Variants in TMEM74 observed in about 807,000 individuals in gnomAD.
The protein encoded by TMEM74 is transmembrane protein 74.
A neutral mutation model predicts 18.1 loss-of-function variants in TMEM74; 13 were observed. The ratio of observed to expected loss-of-function variants is 0.72; its 90% CI spans 0.47 to 1.14. TMEM74 has a LOEUF of 1.14. Among genes scored for constraint, TMEM74 ranks in the 50% most tolerant of loss-of-function variants. The pLI, the probability that TMEM74 is intolerant of heterozygous loss-of-function variation, is 0.00. For missense variants in TMEM74, 372 were observed against 375.9 expected (o/e 0.99, Z 0.09); for synonymous variants, 159 against 146.6 (o/e 1.08, Z -0.61).
chr8:108,784,877 A>G lies in TMEM74; in HGVS notation c.222T>C (p.Ser74=), dbSNP rs780118224. 11 of 1,613,988 alleles carry G rather than the reference A, an allele frequency of 6.8e-6. No homozygotes were observed. The South Asian group carries it at 9.9e-5, about 14-fold the overall frequency. Residue 74 remains serine (S), a synonymous_variant, in exon 2 of 2, where the codon AGT becomes AGC. Transcript: ENST00000297459. The part of the protein sequence containing the change: ...PASPSSSLQN[S]TLQPDAFPPG... The stretch of plus-strand genomic sequence containing the variant: ...GTGGAAAGGCATCTGGCTGAAGAGT[A>G]CTGTTTTGCAGAGAGGAGGAGGGGG...
At chr8:108,728,830 T>A (rs1049349453) in intron 1 of TMEM74, among the ~76,000 whole-genome samples, 10 of 152,336 alleles carry the variant, frequency 6.6e-5, no homozygotes, top group Middle Eastern at 3.4e-3. Flanking sequence ...ACTTGTTGAA[T>A]GAATAAATGC....
chr8:108,714,796 C>A (rs1271000416), intron 1 of TMEM74, among the ~76,000 whole-genome samples: 1 of 152,144 alleles, frequency 6.6e-6, no homozygotes, highest in Non-Finnish European at 1.5e-5. Context: ...CAATAATAAA[C>A]TGGATAAAGA....
chr8:108,690,586 C>T (rs1422967954), intron 1 of TMEM74, among the ~76,000 whole-genome samples: 6 of 151,696 alleles, frequency 4.0e-5, no homozygotes, highest in African/African-American at 1.2e-4. Context: ...GAGGCCGAGG[C>T]GGGCAGATCA....
rs766649337 is a variant in TMEM74, at chr8:108,784,500, C to T, written c.599G>A (p.Arg200Gln). The change falls in exon 2 of 2, where the codon CGG (arginine) becomes CAG (glutamine). Residue 200 changes from arginine (R) to glutamine (Q), a missense_variant. Coordinates refer to ENST00000297459, the MANE Select transcript of TMEM74 (RefSeq NM_153015.3). Reference protein sequence around the residue: ...LLVIISYIVPREVTVDPNTVA... With the variant: ...LLVIISYIVPQEVTVDPNTVA... ...AGTGTTGGGGTCCACAGTCACTTCCCGTGGGACGATGTAAGAGATGATCAC... is the reference window on the plus strand; with the variant it reads ...AGTGTTGGGGTCCACAGTCACTTCCTGTGGGACGATGTAAGAGATGATCAC... The T allele has an allele frequency of 6.8e-6, 11 of 1,613,998 alleles. No individual in the cohort carries two copies. Among genetic ancestry groups the T allele is most frequent in the South Asian group, 1.1e-5 (1 of 91,082 alleles).
downstream of TMEM74, among the ~76,000 whole-genome samples, chr8:108,776,931 G>A (rs976344367): frequency 1.6e-4 from 25 of 152,042 alleles, no homozygotes; most frequent in African/African-American, 5.8e-4. Context: ...TTCATCAGCC[G>A]ATAATCAACA....
Position 108,762,688 on chromosome 8 carries a change from G to T in TMEM74, n.119+24788C>A, listed in dbSNP as rs553270329. The stretch of plus-strand genomic sequence containing the variant: ...CCTTTCTTGTACCTATCATTAATTC[G>T]AATGGTACTCTTATGTAATTATTTG... On this transcript the variant is annotated intron_variant and non_coding_transcript_variant, in intron 1 of 3. Transcript: ENST00000518838. Among the ~76,000 whole-genome samples the T allele has an allele frequency of 3.3e-5, 5 of 151,850 alleles. No homozygotes were observed. The South Asian group carries it at 8.3e-4, about 25-fold the overall frequency.
At chr8:108,633,922 G>A (rs2130555154) in intron 2 of TMEM74, among the ~76,000 whole-genome samples, 1 of 152,022 alleles carries the variant, frequency 6.6e-6, no homozygotes, top group African/African-American at 2.4e-5. Flanking sequence ...GCAAATGTTT[G>A]GTATTTTATT....
intron 1 of TMEM74, among the ~76,000 whole-genome samples, chr8:108,679,107 A>G (rs376492914): frequency 1.3e-5 from 2 of 152,168 alleles, no homozygotes; most frequent in South Asian, 2.1e-4. Context: ...ATAGTATTCC[A>G]TGGTGTATAT....
At chr8:108,614,035 GTT>G (rs11393201) in intron 2 of TMEM74, among the ~76,000 whole-genome samples, 101 of 137,094 alleles carry the variant, frequency 7.4e-4, no homozygotes, top group African/African-American at 9.6e-4. Flanking sequence ...TTTTCATAAG[GTT>G]TTTTTTTTTT....
At chr8:108,629,001 G>A (rs188456111) in intron 2 of TMEM74, among the ~76,000 whole-genome samples, 7 of 151,866 alleles carry the variant, frequency 4.6e-5, no homozygotes, top group South Asian at 2.1e-4. Flanking sequence ...TTTCTTGTAA[G>A]TTTGTTTAAG....
At chr8:108,610,083 T>C (rs1307113853) in intron 2 of TMEM74, among the ~76,000 whole-genome samples, 1 of 152,304 alleles carries the variant, frequency 6.6e-6, no homozygotes, top group East Asian at 1.9e-4. Context: ...AAATGTCCCA[T>C]CCCCTACCCA....
intron 1 of TMEM74, among the ~76,000 whole-genome samples, chr8:108,727,460 G>T (rs1047198601): frequency 5.9e-5 from 9 of 152,174 alleles, no homozygotes; most frequent in African/African-American, 2.2e-4. Context: ...GATGGAAGGA[G>T]AAGTGTACAG....
In TMEM74 at chr8:108,718,086, G is replaced by C. The variant is rs1813546591; in HGVS notation, n.120-62649C>G. Among the ~76,000 whole-genome samples, 5 of 107,048 alleles carry C rather than the reference G, an allele frequency of 4.7e-5. 1 individual carries two copies. 70.2% of individuals were successfully genotyped at this position (107,048 alleles called of 152,430 possible). On this transcript the variant is annotated intron_variant and non_coding_transcript_variant, in intron 1 of 3. Transcript: ENST00000518838. The stretch of plus-strand genomic sequence containing the variant: ...CCATTCTCCCGCCTCAGCCTCCCGA[G>C]TAGCTGGGACTACAGGCGCCCGCCA...
At chr8:108,756,695 A>G (rs58892196) in intron 1 of TMEM74, among the ~76,000 whole-genome samples, 10,612 of 83,828 alleles carry the variant, frequency 0.13, 999 homozygotes, top group Non-Finnish European at 0.15. Context: ...AAAGAAAGAA[A>G]GAAGGAAGGA....
intron 2 of TMEM74, among the ~76,000 whole-genome samples, chr8:108,648,617 G>T (rs1247755065): frequency 6.6e-6 from 1 of 152,064 alleles, no homozygotes; most frequent in East Asian, 1.9e-4. Flanking sequence ...GAGAAGATGG[G>T]GTAATGGAAG....
chr8:108,746,343 C>T (rs1813848079), intron 1 of TMEM74, among the ~76,000 whole-genome samples: 2 of 151,882 alleles, frequency 1.3e-5, no homozygotes, highest in African/African-American at 4.8e-5. Flanking sequence ...CTTGGTTTTC[C>T]CTAGGCAATG....
intron 1 of TMEM74, among the ~76,000 whole-genome samples, chr8:108,660,759 G>T (rs1036414037): frequency 6.6e-6 from 1 of 152,000 alleles, no homozygotes; most frequent in African/African-American, 2.4e-5. Flanking sequence ...ACAGTTAGCC[G>T]TAATATCCCC....
At chr8:108,717,008 C>T (rs1042055681) in intron 1 of TMEM74, among the ~76,000 whole-genome samples, 12 of 151,512 alleles carry the variant, frequency 7.9e-5, no homozygotes, top group African/African-American at 2.9e-4. Context: ...GAACTATAAG[C>T]CAAAAATCAT....
intron 2 of TMEM74, among the ~76,000 whole-genome samples, chr8:108,618,695 A>G (rs1289285515): frequency 1.3e-5 from 2 of 152,198 alleles, no homozygotes; most frequent in Admixed American, 1.3e-4. Context: ...TGACACAGAA[A>G]ATGAATTGAA....
Sources: gnomAD v4.1 joint callset for allele counts (sites outside exome capture counted in the v4.1 genomes callset) on GRCh38, gnomAD v4.1.1 for gene constraint, MANE v1.5 for transcripts, NCBI Gene and HGNC (gene_info 2026-07-23, HGNC 2026-07-21) for gene names.